GRB14: variants seen among roughly 807,000 people sequenced by gnomAD.
GRB14 encodes the protein growth factor receptor-bound protein 14.
GRB14 carries 38 observed loss-of-function variants against 69.1 expected under a neutral mutation model. The observed-to-expected ratio is 0.55, with a 90% CI of 0.42 to 0.72. GRB14 has a LOEUF of 0.72. GRB14 is among the 30% of genes least tolerant of loss of function. The pLI, the probability that GRB14 is intolerant of heterozygous loss-of-function variation, is 0.00. For synonymous variants in GRB14, 247 were observed against 241.3 expected, an observed-to-expected ratio of 1.02 and a Z score of -0.22; for missense variants, 666 against 666.1, an observed-to-expected ratio of 1.00 and a Z score of 0.00.
At chr2:164,558,939 A>G (rs1238263669) in intron 2 of GRB14, among the ~76,000 whole-genome samples, 1 of 152,206 alleles carries the variant, frequency 6.6e-6, no homozygotes, top group Non-Finnish European at 1.5e-5. Flanking sequence ...AAGCCCTTTT[A>G]GGAACTACCT....
At chr2:164,494,287 C>G in intron 13 of GRB14, 144 bp downstream of exon 13, 2 of 592,962 alleles carry the variant, frequency 3.4e-6, no homozygotes, top group Non-Finnish European at 6.1e-6. Context: ...AAAGTTAACT[C>G]TAGTCAAAGC....
intron 8 of GRB14, among the ~76,000 whole-genome samples, chr2:164,506,717 G>GA (rs1372649587): frequency 1.3e-5 from 2 of 151,994 alleles, no homozygotes; most frequent in Non-Finnish European, 2.9e-5. Context: ...GTCCATCAGT[G>GA]AAAAAATGGA....
In GRB14 at chr2:164,585,624, T is replaced by C. The variant is rs190017947; in HGVS notation, c.324+34063A>G. Among the ~76,000 whole-genome samples the C allele has an allele frequency of 5.9e-5, 9 of 152,324 alleles. No homozygotes were observed. In the East Asian group the frequency reaches 1.7e-3, roughly 29 times the overall value. ...CTATATGATGGGATTAGCTTAGTCATGTTAATCATGTCACAATATATACAT... is the reference window on the plus strand; with the variant it reads ...CTATATGATGGGATTAGCTTAGTCACGTTAATCATGTCACAATATATACAT... On this transcript the variant is annotated intron_variant, in intron 2 of 13. Transcript: ENST00000263915.
At chr2:164,595,896 C>A (rs140779698) in intron 2 of GRB14, among the ~76,000 whole-genome samples, 1 of 152,074 alleles carries the variant, frequency 6.6e-6, no homozygotes, top group African/African-American at 2.4e-5. Flanking sequence ...GAGGCCAAGG[C>A]GGGCGAATGA....
chr2:164,611,500 A>T (rs1382183279), intron 2 of GRB14, among the ~76,000 whole-genome samples: 12 of 151,920 alleles, frequency 7.9e-5, no homozygotes, highest in Non-Finnish European at 1.8e-4. Flanking sequence ...GGAGAAAGAT[A>T]AATTTAGAGA....
At chr2:164,554,677 G>C (rs1183120651) in intron 2 of GRB14, among the ~76,000 whole-genome samples, 3 of 152,100 alleles carry the variant, frequency 2.0e-5, no homozygotes, top group African/African-American at 4.8e-5. Context: ...ATGGCACCTA[G>C]CAATGCAAAT....
intron 1 of GRB14, 168 bp from the exon 2 acceptor site, chr2:164,619,987 T>A (rs533772927): frequency 2.0e-6 from 1 of 492,590 alleles, no homozygotes; most frequent in African/African-American, 2.0e-5. Context: ...TGGGTCAAAA[T>A]ACAGTATGTT....
At position 164,510,634 on chromosome 2, in the gene GRB14, C is replaced by A. The variant is rs144679528; in HGVS notation, c.817-1782G>T. On this transcript the variant is annotated intron_variant, in intron 6 of 13. Transcript: ENST00000263915. ...AAGGCTCTACCTATCCTCCCCCAAG[C>A]AGGAACACCAAATTTAACATTTACA... Among the ~76,000 whole-genome samples the A allele has an allele frequency of 6.9e-4, 105 of 152,184 alleles. No homozygotes were observed. The East Asian group carries it at 0.019, about 28-fold the overall frequency.
At chr2:164,563,686 G>A (rs746810615) in intron 2 of GRB14, among the ~76,000 whole-genome samples, 9 of 152,156 alleles carry the variant, frequency 5.9e-5, no homozygotes, top group Non-Finnish European at 1.2e-4. Flanking sequence ...CATTAGCTTT[G>A]GACTTATCCT....
At chr2:164,606,879 G>A (rs1690054748) in intron 2 of GRB14, among the ~76,000 whole-genome samples, 1 of 152,134 alleles carries the variant, frequency 6.6e-6, no homozygotes, top group Admixed American at 6.5e-5. Context: ...CCCTTCCCAG[G>A]AATGAAAGTA....
At chr2:164,502,942 A>C (rs1687094580) in intron 8 of GRB14, among the ~76,000 whole-genome samples, 1 of 152,150 alleles carries the variant, frequency 6.6e-6, no homozygotes, top group Non-Finnish European at 1.5e-5. Flanking sequence ...AAAGCTTTCA[A>C]GGTACAATAT....
chr2:164,574,596 ACC>A, intron 2 of GRB14, among the ~76,000 whole-genome samples: 1 of 152,196 alleles, frequency 6.6e-6, no homozygotes, highest in East Asian at 1.9e-4. Context: ...ACAGAAGAAA[ACC>A]AAAACAGCAG....
intron 2 of GRB14, among the ~76,000 whole-genome samples, chr2:164,586,108 A>G (rs1282202288): frequency 6.6e-6 from 1 of 152,198 alleles, no homozygotes; most frequent in Non-Finnish European, 1.5e-5. Flanking sequence ...AAGGTTTTTT[A>G]AAGGAAGAGG....
At chr2:164,608,358 G>A (rs926439600) in intron 2 of GRB14, among the ~76,000 whole-genome samples, 5 of 151,438 alleles carry the variant, frequency 3.3e-5, no homozygotes, top group African/African-American at 1.2e-4. Context: ...GCAAAAGAGC[G>A]AGACTCCCTC....
At chr2:164,554,737 G>A (rs939102521) in intron 2 of GRB14, among the ~76,000 whole-genome samples, 3 of 152,086 alleles carry the variant, frequency 2.0e-5, no homozygotes, top group Non-Finnish European at 2.9e-5. Context: ...GAATGTGGGT[G>A]AAGCAAATCT....
chr2:164,547,150 C>G (rs144304426), intron 3 of GRB14, among the ~76,000 whole-genome samples: 4 of 152,194 alleles, frequency 2.6e-5, no homozygotes, highest in Non-Finnish European at 5.9e-5. Flanking sequence ...TGCCAAGATA[C>G]AGACACACAT....
chr2:164,547,523 T>A, intron 3 of GRB14, 137 bp downstream of exon 3: 2 of 584,884 alleles, frequency 3.4e-6, no homozygotes, highest in South Asian at 7.9e-5. Context: ...GAAAAAAGAA[T>A]GAAAAGGAAC....
intron 2 of GRB14, among the ~76,000 whole-genome samples, chr2:164,570,886 G>A (rs551415312): frequency 2.1e-4 from 32 of 152,292 alleles, no homozygotes; most frequent in South Asian, 1.9e-3. Flanking sequence ...AGCTGTTTAC[G>A]TGTGTGTGAT....
intron 2 of GRB14, among the ~76,000 whole-genome samples, chr2:164,554,048 C>T (rs991451401): frequency 4.6e-5 from 7 of 152,174 alleles, no homozygotes; most frequent in Admixed American, 3.3e-4. Flanking sequence ...AGAATTACTA[C>T]ACTAAACCTT....
Sources: gnomAD v4.1 joint callset for allele counts (sites outside exome capture counted in the v4.1 genomes callset) on GRCh38, gnomAD v4.1.1 for gene constraint, MANE v1.5 for transcripts, NCBI Gene and HGNC (gene_info 2026-07-23, HGNC 2026-07-21) for gene names.